The following CNTNAP2 variants were observed in gnomAD, a reference collection of about 807,000 sequenced individuals.
CNTNAP2 encodes contactin-associated protein-like 2.
CNTNAP2 carries 98 observed loss-of-function variants against 155.2 expected under a neutral mutation model. That is an observed-to-expected ratio of 0.63 (90% CI 0.54 to 0.75). CNTNAP2 has a LOEUF of 0.75. Among genes scored for constraint, CNTNAP2 ranks in the 30% least tolerant of loss-of-function variants. The pLI, the probability that CNTNAP2 is intolerant of heterozygous loss-of-function variation, is 0.00. For missense variants in CNTNAP2, 1,727 were observed against 1,688.1 expected, an observed-to-expected ratio of 1.02 and a Z score of -0.40; for synonymous variants, 651 against 631.2, an observed-to-expected ratio of 1.03 and a Z score of -0.47.
At chr7:146,978,801 A>C (rs537454897) in intron 3 of CNTNAP2, among the ~76,000 whole-genome samples, 1 of 152,180 alleles carries the variant, frequency 6.6e-6, no homozygotes, top group African/African-American at 2.4e-5. Context: ...TGAAGATCCC[A>C]AAATAAATAA....
chr7:147,006,516 G>A (rs758018091), intron 3 of CNTNAP2, among the ~76,000 whole-genome samples: 1 of 151,770 alleles, frequency 6.6e-6, no homozygotes, highest in Non-Finnish European at 1.5e-5. Flanking sequence ...TGTATTTTGG[G>A]GTTGCATATT....
intron 1 of CNTNAP2, among the ~76,000 whole-genome samples, chr7:146,309,004 T>G (rs1275474808): frequency 6.6e-6 from 1 of 152,026 alleles, no homozygotes; most frequent in East Asian, 1.9e-4. Flanking sequence ...AAAGAAACTT[T>G]GTACTTACTG....
chr7:146,607,250 CA>C (rs1427726410), intron 1 of CNTNAP2, among the ~76,000 whole-genome samples: 1 of 151,970 alleles, frequency 6.6e-6, no homozygotes, highest in African/African-American at 2.4e-5. Flanking sequence ...AAGCATTCCC[CA>C]ATGTTTAATC....
At chr7:146,874,280 C>G (rs562541976) in intron 3 of CNTNAP2, among the ~76,000 whole-genome samples, 1 of 152,136 alleles carries the variant, frequency 6.6e-6, no homozygotes, top group South Asian at 2.1e-4. Flanking sequence ...AAATGAGGAT[C>G]TATTAGAACT....
intron 1 of CNTNAP2, among the ~76,000 whole-genome samples, chr7:146,255,509 C>T (rs1040912769): frequency 1.3e-5 from 2 of 152,088 alleles, no homozygotes; most frequent in African/African-American, 4.8e-5. Context: ...GGCTTTCCTT[C>T]AGTAAAGTAA....
At chr7:148,039,607 A>C (rs981995520) in intron 15 of CNTNAP2, among the ~76,000 whole-genome samples, 1 of 152,132 alleles carries the variant, frequency 6.6e-6, no homozygotes, top group African/African-American at 2.4e-5. Flanking sequence ...ACCAACCCCT[A>C]GGTTTTCCAA....
At chr7:146,954,515 A>G (rs2129228769) in intron 3 of CNTNAP2, among the ~76,000 whole-genome samples, 1 of 152,140 alleles carries the variant, frequency 6.6e-6, no homozygotes, top group Non-Finnish European at 1.5e-5. Flanking sequence ...TTGTTGAATC[A>G]GTCAGGAATT....
intron 1 of CNTNAP2, among the ~76,000 whole-genome samples, chr7:146,492,753 C>A (rs1797159228): frequency 6.6e-6 from 1 of 152,074 alleles, no homozygotes; most frequent in African/African-American, 2.4e-5. Context: ...ATATGATATG[C>A]ATATACAGTA....
At chr7:147,081,234 G>C (rs1800118165) in intron 4 of CNTNAP2, 1 of 152,020 alleles carries the variant, frequency 6.6e-6, no homozygotes, top group Non-Finnish European at 1.5e-5. Context: ...ACACCAACGA[G>C]TGGACAGTGG....
intron 13 of CNTNAP2, among the ~76,000 whole-genome samples, chr7:147,876,631 ATT>A (rs34343974): frequency 2.6e-5 from 4 of 151,698 alleles, no homozygotes; most frequent in East Asian, 3.9e-4. Flanking sequence ...TTCCCTCCAC[ATT>A]TTTTTTTAAA....
intron 1 of CNTNAP2, among the ~76,000 whole-genome samples, chr7:146,274,849 C>T (rs1450264109): frequency 1.3e-5 from 2 of 152,108 alleles, no homozygotes; most frequent in Non-Finnish European, 2.9e-5. Context: ...GCTTTTGTTC[C>T]TTGTCTTTTA....
intron 8 of CNTNAP2, among the ~76,000 whole-genome samples, chr7:147,197,151 A>T (rs541931556): frequency 1.3e-5 from 2 of 152,098 alleles, no homozygotes; most frequent in East Asian, 3.9e-4. Flanking sequence ...ATAGGAGTAT[A>T]ACTTTGTAAC....
At chr7:146,140,976 G>C (rs1441536616) in intron 1 of CNTNAP2, among the ~76,000 whole-genome samples, 1 of 152,144 alleles carries the variant, frequency 6.6e-6, no homozygotes, top group African/African-American at 2.4e-5. Flanking sequence ...CTGTAGGTTT[G>C]TGCAATTGCA....
intron 3 of CNTNAP2, among the ~76,000 whole-genome samples, chr7:147,034,439 G>T (rs1416356445): frequency 6.6e-6 from 1 of 152,092 alleles, no homozygotes; most frequent in Admixed American, 6.6e-5. Flanking sequence ...ACCCCATGGC[G>T]GTGTCTAGGG....
At chr7:147,862,992 A>G (rs1799163498) in intron 13 of CNTNAP2, among the ~76,000 whole-genome samples, 2 of 152,094 alleles carry the variant, frequency 1.3e-5, no homozygotes, top group Admixed American at 1.3e-4. Flanking sequence ...CAGGTTTGAT[A>G]CAGAGGTATA....
At chr7:148,348,218 G>T (rs1012764403) in intron 21 of CNTNAP2, among the ~76,000 whole-genome samples, 11 of 152,136 alleles carry the variant, frequency 7.2e-5, no homozygotes, top group Admixed American at 1.3e-4. Context: ...CCCATCAGAG[G>T]GTGTGATGGG....
chr7:146,173,853 G>A (rs1210276179), intron 1 of CNTNAP2, among the ~76,000 whole-genome samples: 1 of 152,138 alleles, frequency 6.6e-6, no homozygotes, highest in African/African-American at 2.4e-5. Context: ...ATAAAAGTGT[G>A]CTCAAGCAGT....
chr7:148,248,383 G>A (rs1003417318), intron 20 of CNTNAP2, among the ~76,000 whole-genome samples: 2 of 152,032 alleles, frequency 1.3e-5, no homozygotes, highest in African/African-American at 2.4e-5. Context: ...ATTTTTAGTA[G>A]AGATGAGGTT....
intron 13 of CNTNAP2, among the ~76,000 whole-genome samples, chr7:147,775,269 A>ATATATT (rs1554433198): frequency 9.8e-6 from 1 of 101,810 alleles, no homozygotes; most frequent in African/African-American, 3.8e-5. Context: ...AAATATATTT[A>ATATATT]TATATATATT....
Sources: allele counts gnomAD v4.1 joint callset (sites outside exome capture counted in the v4.1 genomes callset), GRCh38; gene constraint gnomAD v4.1.1; transcripts MANE v1.5; gene names NCBI Gene and HGNC (gene_info 2026-07-23, HGNC 2026-07-21).